The following ARHGAP24 variants were observed in gnomAD, a reference collection of about 807,000 sequenced individuals.
ARHGAP24 encodes the protein Rho GTPase activating protein 24, also known as rho GTPase-activating protein 24.
A neutral mutation model predicts 76.4 loss-of-function variants in ARHGAP24; 50 were observed. The ratio of observed to expected loss-of-function variants is 0.65; its 90% confidence interval spans 0.52 to 0.83. The LOEUF (loss-of-function observed/expected upper bound fraction) is 0.83, where lower values mean the gene tolerates loss of function less well. Ranked by LOEUF, ARHGAP24 falls within the 40% of genes least tolerant of loss-of-function variation. ARHGAP24 has a pLI of 0.00. For synonymous variants in ARHGAP24, 345 were observed against 323.3 expected (o/e 1.07, Z -0.72); for missense variants, 930 against 914.2 (o/e 1.02, Z -0.22).
chr4:85,855,735 G>A (rs7695035), intron 3 of ARHGAP24, among the ~76,000 whole-genome samples: 17,227 of 149,106 alleles, frequency 0.12, 990 homozygotes, highest in Middle Eastern at 0.14. Flanking sequence ...CTGAGATTGC[G>A]CCATTGCACT....
At chr4:85,545,428 A>G (rs796310842) in intron 1 of ARHGAP24, among the ~76,000 whole-genome samples, 8 of 152,316 alleles carry the variant, frequency 5.3e-5, no homozygotes, top group African/African-American at 1.7e-4. Flanking sequence ...GGCAAAAAGT[A>G]CTATGTCACT....
intron 3 of ARHGAP24, among the ~76,000 whole-genome samples, chr4:85,828,341 T>C (rs550074470): frequency 6.6e-6 from 1 of 152,314 alleles, no homozygotes; most frequent in South Asian, 2.1e-4. Context: ...GCTATATTTG[T>C]TTAGTGCTTG....
chr4:85,948,735 A>G (rs1737427576), intron 5 of ARHGAP24, among the ~76,000 whole-genome samples: 1 of 152,198 alleles, frequency 6.6e-6, no homozygotes, highest in Admixed American at 6.5e-5. Flanking sequence ...AGACTCTGTG[A>G]GGTGCTGGGT....
intron 3 of ARHGAP24, among the ~76,000 whole-genome samples, chr4:85,916,001 C>A (rs184287849): frequency 6.6e-6 from 1 of 152,184 alleles, no homozygotes; most frequent in African/African-American, 2.4e-5. Flanking sequence ...AACACACTGT[C>A]TTCCACAACA....
At chr4:85,489,868 A>G (rs1421944109) in intron 1 of ARHGAP24, among the ~76,000 whole-genome samples, 1 of 152,154 alleles carries the variant, frequency 6.6e-6, no homozygotes, top group African/African-American at 2.4e-5. Context: ...CCAAATAAGG[A>G]GCAATAATAA....
At chr4:85,890,521 G>A (rs536403832) in intron 3 of ARHGAP24, among the ~76,000 whole-genome samples, 1 of 152,158 alleles carries the variant, frequency 6.6e-6, no homozygotes, top group Non-Finnish European at 1.5e-5. Flanking sequence ...ATTCAGCCTG[G>A]CTAGTATCTT....
At chr4:85,639,938 G>C (rs547015753) in intron 2 of ARHGAP24, among the ~76,000 whole-genome samples, 45 of 152,200 alleles carry the variant, frequency 3.0e-4, no homozygotes, top group African/African-American at 1.1e-3. Context: ...AGCAATTTCT[G>C]TGTGTTAACC....
At chr4:85,530,114 A>G (rs1005938935) in intron 1 of ARHGAP24, among the ~76,000 whole-genome samples, 1 of 151,994 alleles carries the variant, frequency 6.6e-6, no homozygotes, top group African/African-American at 2.4e-5. Flanking sequence ...TCTTAATTAA[A>G]AAAAATTGAA....
At chr4:85,692,156 C>T (rs73835532) in intron 2 of ARHGAP24, among the ~76,000 whole-genome samples, 3,140 of 152,234 alleles carry the variant, frequency 0.021, 95 homozygotes, top group African/African-American at 0.069. Flanking sequence ...AAATGGACCC[C>T]CAATCTCTTC....
At chr4:85,878,410 A>ATG (rs1474945102) in intron 3 of ARHGAP24, among the ~76,000 whole-genome samples, 1 of 152,166 alleles carries the variant, frequency 6.6e-6, no homozygotes, top group East Asian at 1.9e-4. Flanking sequence ...ATACTATGGA[A>ATG]TGTCTAGCCA....
At position 85,566,705 on chromosome 4, in the gene ARHGAP24, A is replaced by C. The variant is rs1417438142; in HGVS notation, c.-20-3817A>C. On this transcript the variant is annotated intron_variant, in intron 1 of 9. Transcript: ENST00000395184. ...CACAGCAAGGAAAGCCATGTCCTTG[A>C]CCTCGTGAAGCTTATGGTCTCCTGG... 2.0e-5 allele frequency among the ~76,000 whole-genome samples: 3 copies of C among 152,324 alleles called. No individual in the cohort carries two copies. The East Asian group carries it at 5.8e-4, about 29-fold the overall frequency.
chr4:85,627,569 G>C (rs190705564), intron 2 of ARHGAP24, among the ~76,000 whole-genome samples: 1 of 152,168 alleles, frequency 6.6e-6, no homozygotes, highest in African/African-American at 2.4e-5. Flanking sequence ...CTCAAGCTGC[G>C]TGCTGGGAGA....
chr4:85,913,533 G>A (rs987707980), intron 3 of ARHGAP24, among the ~76,000 whole-genome samples: 2 of 151,678 alleles, frequency 1.3e-5, no homozygotes, highest in African/African-American at 4.8e-5. Context: ...TCTCATTTAG[G>A]TCCCTGTCTT....
intron 3 of ARHGAP24, among the ~76,000 whole-genome samples, chr4:85,831,058 A>T (rs1729971808): frequency 6.6e-6 from 1 of 152,204 alleles, no homozygotes; most frequent in Non-Finnish European, 1.5e-5. Flanking sequence ...CATTATATCA[A>T]ATACATATAT....
intron 3 of ARHGAP24, among the ~76,000 whole-genome samples, chr4:85,743,980 A>G (rs573327533): frequency 1.3e-5 from 2 of 152,286 alleles, no homozygotes; most frequent in African/African-American, 4.8e-5. Flanking sequence ...AGATTTGCCT[A>G]TGGTTGCCAC....
chr4:85,545,629 G>C (rs1473468914), intron 1 of ARHGAP24, among the ~76,000 whole-genome samples: 1 of 152,152 alleles, frequency 6.6e-6, no homozygotes, highest in African/African-American at 2.4e-5. Context: ...AAAGAGCAAA[G>C]TCAATGTGGC....
At chr4:85,977,163 C>T (rs1739389045) in intron 7 of ARHGAP24, among the ~76,000 whole-genome samples, 1 of 152,070 alleles carries the variant, frequency 6.6e-6, no homozygotes, top group South Asian at 2.1e-4. Context: ...AGGGTTAATT[C>T]CTCCTGTCTA....
At chr4:85,974,798 T>G in intron 6 of ARHGAP24, 90 bp from the exon 7 acceptor site, 1 of 1,258,372 alleles carries the variant, frequency 7.9e-7, no homozygotes, top group South Asian at 1.3e-5. Flanking sequence ...TGAAACTAAT[T>G]TTTTAAAAAA....
intron 5 of ARHGAP24, among the ~76,000 whole-genome samples, chr4:85,967,127 G>A (rs1417160554): frequency 3.3e-5 from 5 of 151,996 alleles, no homozygotes; most frequent in Non-Finnish European, 7.4e-5. Context: ...ATTAATAAGA[G>A]GCCTATGTTG....
Sources: gnomAD v4.1 joint callset for allele counts (sites outside exome capture counted in the v4.1 genomes callset) on GRCh38, gnomAD v4.1.1 for gene constraint, MANE v1.5 for transcripts, NCBI Gene and HGNC (gene_info 2026-07-23, HGNC 2026-07-21) for gene names.